The following TMEM178B variants were observed in gnomAD, a reference collection of about 807,000 sequenced individuals.
TMEM178B encodes the protein transmembrane protein 178B.
A neutral mutation model predicts 31.0 loss-of-function variants in TMEM178B; 5 were observed. The observed-to-expected ratio is 0.16, with a 90% CI of 0.08 to 0.34. The LOEUF (loss-of-function observed/expected upper bound fraction) is 0.34, where lower values mean the gene tolerates loss of function less well. Ranked by LOEUF, TMEM178B falls within the 10% of genes least tolerant of loss-of-function variation. TMEM178B has a pLI of 1.00. For missense variants in TMEM178B, 275 were observed against 400.3 expected, an observed-to-expected ratio of 0.69 and a Z score of 2.67; for synonymous variants, 164 against 164.0, an observed-to-expected ratio of 1.00 and a Z score of 0.00.
intron 2 of TMEM178B, among the ~76,000 whole-genome samples, chr7:141,329,931 C>T (rs913914621): frequency 3.3e-5 from 5 of 152,182 alleles, no homozygotes; most frequent in Admixed American, 6.5e-5. Context: ...GGTTAACGAA[C>T]GTGGTGGACA....
intron 1 of TMEM178B, among the ~76,000 whole-genome samples, chr7:141,202,875 C>T (rs1360294872): frequency 1.3e-5 from 2 of 152,148 alleles, no homozygotes; most frequent in African/African-American, 4.8e-5. Flanking sequence ...CATTTCTGCC[C>T]CATTTGGGGA....
At chr7:141,253,095 T>G (rs1380748359) in intron 2 of TMEM178B, among the ~76,000 whole-genome samples, 2 of 152,348 alleles carry the variant, frequency 1.3e-5, no homozygotes, top group East Asian at 1.9e-4. Context: ...GCACATCTTG[T>G]GCAAAGTGGC....
chr7:141,231,258 A>G (rs1797438243), intron 2 of TMEM178B, among the ~76,000 whole-genome samples: 1 of 152,004 alleles, frequency 6.6e-6, no homozygotes, highest in South Asian at 2.1e-4. Context: ...AAGCCTTCTC[A>G]AAGTTCAGGT....
chr7:141,181,519 A>G (rs1488587289), intron 1 of TMEM178B, among the ~76,000 whole-genome samples: 1 of 152,190 alleles, frequency 6.6e-6, no homozygotes, highest in Admixed American at 6.5e-5. Flanking sequence ...CTTCCCACAG[A>G]GGGAAATATT....
At chr7:141,505,317 G>A in the TMEM178B span, among the ~76,000 whole-genome samples, 7 of 152,352 alleles carry the variant, frequency 4.6e-5, no homozygotes, top group East Asian at 1.2e-3. Context: ...AGTAAAGACT[G>A]CAGTGAGAAT....
At position 141,183,001 on chromosome 7, in the gene TMEM178B, C is replaced by T. The variant is rs766882923; in HGVS notation, c.383-29590C>T. Among the ~76,000 whole-genome samples the T allele has an allele frequency of 2.6e-5, 4 of 152,196 alleles. No individual in the cohort carries two copies. In the East Asian group the frequency reaches 7.7e-4, roughly 29 times the overall value. On this transcript the variant is annotated intron_variant, in intron 1 of 3. Coordinates refer to ENST00000565468, the MANE Select transcript of TMEM178B (RefSeq NM_001195278.2). ...ACATGTTGAAATGATGTTCATCAGA[C>T]ATTGAAGTAAGTATGTCAAAGTCCT...
chr7:141,257,507 T>C (rs146422009), intron 2 of TMEM178B, among the ~76,000 whole-genome samples: 7 of 152,326 alleles, frequency 4.6e-5, no homozygotes, highest in Non-Finnish European at 4.4e-5. Context: ...TTCGCAGCTT[T>C]TTAAGAGCTG....
At chr7:141,274,865 C>CTAAT (rs898328919) in intron 2 of TMEM178B, among the ~76,000 whole-genome samples, 2 of 152,158 alleles carry the variant, frequency 1.3e-5, no homozygotes, top group African/African-American at 2.4e-5. Flanking sequence ...TTGCCCTGGT[C>CTAAT]TAATGGCAGC....
At chr7:141,137,841 A>T (rs1192870808) in intron 1 of TMEM178B, among the ~76,000 whole-genome samples, 1 of 152,168 alleles carries the variant, frequency 6.6e-6, no homozygotes, top group Non-Finnish European at 1.5e-5. Flanking sequence ...AGGATATGAA[A>T]ATAGAGAAAA....
At chr7:141,157,491 C>G (rs940425070) in intron 1 of TMEM178B, among the ~76,000 whole-genome samples, 4 of 152,026 alleles carry the variant, frequency 2.6e-5, no homozygotes, top group Non-Finnish European at 5.9e-5. Context: ...AAATGAAACT[C>G]AAAGCACCCA....
At chr7:141,126,010 G>T (rs1795489228) in intron 1 of TMEM178B, among the ~76,000 whole-genome samples, 1 of 152,220 alleles carries the variant, frequency 6.6e-6, no homozygotes, top group East Asian at 1.9e-4. Context: ...AATGCTGAGA[G>T]CTCCCTTCCC....
intron 1 of TMEM178B, among the ~76,000 whole-genome samples, chr7:141,154,596 T>C (rs1796034381): frequency 6.6e-6 from 1 of 152,202 alleles, no homozygotes; most frequent in Non-Finnish European, 1.5e-5. Flanking sequence ...CCAGTAAACA[T>C]TGGATCCTTT....
chr7:141,507,977 C>T, the TMEM178B span, among the ~76,000 whole-genome samples: 1 of 152,208 alleles, frequency 6.6e-6, no homozygotes, highest in Admixed American at 6.5e-5. Context: ...TAACATGATG[C>T]TCCTTGCTAC....
At chr7:141,495,194 C>CTA in the TMEM178B span, among the ~76,000 whole-genome samples, 1 of 152,270 alleles carries the variant, frequency 6.6e-6, no homozygotes, top group East Asian at 1.9e-4. Flanking sequence ...AAGAGACCAG[C>CTA]TAAATATTCA....
intron 1 of TMEM178B, among the ~76,000 whole-genome samples, chr7:141,105,161 G>A (rs895990632): frequency 7.2e-5 from 11 of 152,120 alleles, no homozygotes; most frequent in Middle Eastern, 3.2e-3. Flanking sequence ...GGGCCAGCTG[G>A]CTAAACTGTC....
At position 141,461,618 on chromosome 7, in the gene TMEM178B, C is replaced by T. The variant is rs533523391; in HGVS notation, c.635-8918C>T. ...CTAGCCTGAGGCCTCAATTTTGATG[C>T]TGTTTCTCCACAGCGTCCATTGCTG... On this transcript the variant is annotated intron_variant, in intron 3 of 3. Coordinates refer to ENST00000565468, the MANE Select transcript of TMEM178B (RefSeq NM_001195278.2). This position sits in a 1 kb window ranked among gnomAD's most constrained non-coding sequence, Gnocchi z 4.0. Among the ~76,000 whole-genome samples, 290 of 152,314 alleles carry T rather than the reference C, an allele frequency of 1.9e-3. 2 individuals are homozygous for T. The Middle Eastern group carries it at 0.024, about 13-fold the overall frequency.
chr7:141,377,558 C>T (rs1800240193), intron 2 of TMEM178B, among the ~76,000 whole-genome samples: 1 of 151,914 alleles, frequency 6.6e-6, no homozygotes, highest in Non-Finnish European at 1.5e-5. Flanking sequence ...GTAATCACGG[C>T]TACTCAAGAG....
At chr7:141,255,889 T>C (rs959939803) in intron 2 of TMEM178B, among the ~76,000 whole-genome samples, 9 of 152,200 alleles carry the variant, frequency 5.9e-5, no homozygotes, top group African/African-American at 2.2e-4. Flanking sequence ...AAGGTCAGGA[T>C]GGATCAGGCA....
At chr7:141,362,123 C>T (rs775876119) in intron 2 of TMEM178B, among the ~76,000 whole-genome samples, 1 of 152,212 alleles carries the variant, frequency 6.6e-6, no homozygotes, top group Non-Finnish European at 1.5e-5. Flanking sequence ...ATTAGCGCAT[C>T]GAGTCATGGC....
Sources: gnomAD v4.1 joint callset for allele counts (sites outside exome capture counted in the v4.1 genomes callset) on GRCh38, gnomAD v4.1.1 for gene constraint, Gnocchi (gnomAD v3.1) non-coding constraint, MANE v1.5 for transcripts, NCBI Gene and HGNC (gene_info 2026-07-23, HGNC 2026-07-21) for gene names.